The following PMFBP1 variants were observed in gnomAD, a reference collection of about 807,000 sequenced individuals.
PMFBP1 encodes polyamine modulated factor 1 binding protein 1, also known as polyamine-modulated factor 1-binding protein 1.
Under a neutral mutation model 137.8 loss-of-function variants are expected in PMFBP1, and 131 were observed. The ratio of observed to expected loss-of-function variants is 0.95; its 90% confidence interval spans 0.82 to 1.10. The LOEUF is 1.10. Among genes scored for constraint, PMFBP1 ranks in the 50% least tolerant of loss-of-function variants. The pLI is 0.00. For synonymous variants in PMFBP1, 490 were observed against 450.4 expected (o/e 1.09, Z -1.11); for missense variants, 1,199 against 1,175.4 (o/e 1.02, Z -0.29).
chr16:72,158,253 C>T (rs374893519), intron 3 of PMFBP1, among the ~76,000 whole-genome samples: 4 of 152,270 alleles, frequency 2.6e-5, no homozygotes, highest in African/African-American at 7.2e-5. Flanking sequence ...GGCAAAGACA[C>T]GCCAGTGTAT....
chr16:72,124,071 A>G (rs1384948974), intron 17 of PMFBP1, among the ~76,000 whole-genome samples: 2 of 152,102 alleles, frequency 1.3e-5, no homozygotes, highest in African/African-American at 4.8e-5. Context: ...GTGCAGTGGC[A>G]TGATCACGGC....
upstream of PMFBP1, among the ~76,000 whole-genome samples, chr16:72,181,480 C>T (rs2043276190): frequency 6.6e-6 from 1 of 152,168 alleles, no homozygotes; most frequent in Non-Finnish European, 1.5e-5. Flanking sequence ...TTTCAAACAT[C>T]TGAGAGTCAA....
At position 72,126,029 on chromosome 16, in the gene PMFBP1, T is replaced by C. The variant is rs374518268; in HGVS notation, c.2192A>G (p.Tyr731Cys). 37 of 1,614,090 alleles carry C rather than the reference T, an allele frequency of 2.3e-5. No homozygotes were observed. The highest frequency in any genetic ancestry group is 2.9e-5 in the Non-Finnish European group (34 of 1,180,036). Residue 731 changes from tyrosine (Y) to cysteine (C), a missense_variant, in exon 15 of 21, where the codon TAT becomes TGT. Tyr to Cys is a radical substitution (Grantham distance 194). Transcript: ENST00000237353. Reference protein sequence around the residue: ...YLQTTITKEAYDALSRKSAAC... With the variant: ...YLQTTITKEACDALSRKSAAC... ...GGCTGACTTCCGGGATAATGCATCA[T>C]AGGCTTCTTTGGTGATGGTAGTCTG...
At chr16:72,144,028 C>T (rs999942085) in intron 5 of PMFBP1, among the ~76,000 whole-genome samples, 2 of 151,198 alleles carry the variant, frequency 1.3e-5, no homozygotes, top group Non-Finnish European at 1.5e-5. Context: ...GCAACAAGAG[C>T]GAAACTCCAT....
At chr16:72,180,917 C>G (rs1039173760), upstream of PMFBP1, among the ~76,000 whole-genome samples, 3 of 152,186 alleles carry the variant, frequency 2.0e-5, no homozygotes, top group African/African-American at 7.2e-5. Flanking sequence ...TTCCTGTGCA[C>G]TGCAGCATTT....
chr16:72,137,578 G>A (rs917312487), intron 7 of PMFBP1, among the ~76,000 whole-genome samples: 1 of 152,202 alleles, frequency 6.6e-6, no homozygotes, highest in Non-Finnish European at 1.5e-5. Flanking sequence ...GACAACGCTT[G>A]TGGTGGGAAC....
At chr16:72,193,065 C>T in the PMFBP1 span, among the ~76,000 whole-genome samples, 4 of 152,030 alleles carry the variant, frequency 2.6e-5, no homozygotes, top group Non-Finnish European at 5.9e-5. Context: ...ATGGACCACC[C>T]TATATGGAGG....
At chr16:72,237,276 T>C in the PMFBP1 span, among the ~76,000 whole-genome samples, 4 of 152,164 alleles carry the variant, frequency 2.6e-5, no homozygotes, top group Admixed American at 2.0e-4. Context: ...TGGGGAAAGC[T>C]TCCTATATTG....
Position 72,124,929 on chromosome 16 carries a change from G to A in PMFBP1, c.2427C>T (p.His809=), listed in dbSNP as rs766060739. 2.5e-5 allele frequency: 41 copies of A among 1,613,876 alleles called. No homozygotes were observed. Among genetic ancestry groups the A allele is most frequent in the Non-Finnish European group, 3.4e-5 (40 of 1,179,876 alleles). ...GFHQESELEV[H]AFDKKLEEMS... ...TCTCCTCTAGCTTCTTGTCAAAGGCGTGCACCTACTCAGGAGAGCAAAGTG... is the reference window on the plus strand; with the variant it reads ...TCTCCTCTAGCTTCTTGTCAAAGGCATGCACCTACTCAGGAGAGCAAAGTG... Residue 809 remains histidine (H), a synonymous_variant, in exon 17 of 21, where the codon CAC becomes CAT. Transcript: ENST00000237353.
the PMFBP1 span, among the ~76,000 whole-genome samples, chr16:72,224,356 C>T: frequency 6.6e-6 from 1 of 152,138 alleles, no homozygotes; most frequent in Non-Finnish European, 1.5e-5. Context: ...GCCAGATTGT[C>T]TTACAGCATA....
chr16:72,249,920 C>CA, the PMFBP1 span, among the ~76,000 whole-genome samples: 15,078 of 30,032 alleles, frequency 0.5, 4,300 homozygotes, highest in African/African-American at 0.67. Context: ...GACTCCATCG[C>CA]AAAAAAAAAA....
chr16:72,185,008 T>TTCA, the PMFBP1 span, among the ~76,000 whole-genome samples: 1 of 152,000 alleles, frequency 6.6e-6, no homozygotes. Context: ...GAGGCCTTTC[T>TTCA]TCATCTGTGT....
chr16:72,122,512 C>T (rs1454676507), intron 19 of PMFBP1, among the ~76,000 whole-genome samples: 7 of 152,180 alleles, frequency 4.6e-5, no homozygotes, highest in Non-Finnish European at 8.8e-5. Flanking sequence ...GCTCCTCCAA[C>T]CTGGCCTGCT....
chr16:72,152,122 ATTAG>A (rs1248265640), intron 4 of PMFBP1, among the ~76,000 whole-genome samples: 3 of 152,222 alleles, frequency 2.0e-5, no homozygotes, highest in African/African-American at 7.2e-5. Flanking sequence ...CACCTCCGGA[ATTAG>A]TTACTTGAAT....
intron 4 of PMFBP1, among the ~76,000 whole-genome samples, chr16:72,151,520 T>C (rs1054373238): frequency 2.6e-5 from 4 of 152,168 alleles, no homozygotes; most frequent in African/African-American, 9.7e-5. Flanking sequence ...GTGTGCTAAA[T>C]TGTATGGCTC....
chr16:72,195,348 T>C, the PMFBP1 span, among the ~76,000 whole-genome samples: 1 of 152,134 alleles, frequency 6.6e-6, no homozygotes, highest in Non-Finnish European at 1.5e-5. Context: ...ATGTCAGACC[T>C]ACACTGAAGT....
intron 2 of PMFBP1, among the ~76,000 whole-genome samples, chr16:72,170,355 T>C (rs938547733): frequency 1.3e-5 from 2 of 152,106 alleles, no homozygotes; most frequent in Non-Finnish European, 1.5e-5. Context: ...ATATGGTACA[T>C]GGGACAATCC....
At chr16:72,188,648 C>T in the PMFBP1 span, among the ~76,000 whole-genome samples, 1 of 152,146 alleles carries the variant, frequency 6.6e-6, no homozygotes, top group Non-Finnish European at 1.5e-5. Context: ...CAGTGTGTGC[C>T]ATTCTGGTGT....
At chr16:72,218,459 C>T in the PMFBP1 span, among the ~76,000 whole-genome samples, 1,044 of 152,208 alleles carry the variant, frequency 6.9e-3, 3 homozygotes, top group Non-Finnish European at 0.012. Flanking sequence ...TCCTGAGTAG[C>T]TGGGCTTACA....
Sources: allele counts gnomAD v4.1 joint callset (sites outside exome capture counted in the v4.1 genomes callset), GRCh38; gene constraint gnomAD v4.1.1; transcripts MANE v1.5; gene names NCBI Gene and HGNC (gene_info 2026-07-23, HGNC 2026-07-21).